Variants in JAK2 observed in about 807,000 individuals in gnomAD.
JAK2 encodes the protein Janus kinase 2.
Under a neutral mutation model 139.3 loss-of-function variants are expected in JAK2, and 86 were observed. The ratio of observed to expected loss-of-function variants is 0.62; its 90% CI spans 0.52 to 0.74. The LOEUF (loss-of-function observed/expected upper bound fraction) is 0.74, where lower values mean the gene tolerates loss of function less well. Among genes scored for constraint, JAK2 ranks in the 30% least tolerant of loss-of-function variants. The pLI is 0.00. For synonymous variants in JAK2, 490 were observed against 437.7 expected (o/e 1.12, Z -1.49); for missense variants, 1,421 against 1,360.3 (o/e 1.04, Z -0.70).
chr9:5,104,712 G>C (rs1270103410), intron 22 of JAK2, among the ~76,000 whole-genome samples: 2 of 152,126 alleles, frequency 1.3e-5, no homozygotes, highest in African/African-American at 4.8e-5. Flanking sequence ...TATCAACCAC[G>C]ATCAAGTCGG....
intron 2 of JAK2, among the ~76,000 whole-genome samples, chr9:5,002,933 AG>A (rs1935666937): frequency 6.6e-6 from 1 of 151,960 alleles, no homozygotes; most frequent in African/African-American, 2.4e-5. Context: ...ATAGAAGTTA[AG>A]GTTATTTTTT....
At chr9:5,032,324 AG>A (rs1823222732) in intron 4 of JAK2, among the ~76,000 whole-genome samples, 3 of 152,252 alleles carry the variant, frequency 2.0e-5, no homozygotes, top group Admixed American at 6.5e-5. Flanking sequence ...CTCTGGGGGC[AG>A]GGCATAGCCA....
intron 4 of JAK2, among the ~76,000 whole-genome samples, chr9:5,038,346 A>G (rs1038577275): frequency 4.6e-5 from 7 of 152,196 alleles, no homozygotes; most frequent in Admixed American, 2.0e-4. Context: ...TGTGAATTCT[A>G]TCACACATTA....
At chr9:5,085,972 G>A in intron 19 of JAK2, 1 of 1,058,872 alleles carries the variant, frequency 9.4e-7, no homozygotes, top group Non-Finnish European at 1.5e-6. Context: ...TCACCACTGT[G>A]TGTTTTGCTG....
chr9:5,111,547 C>A (rs1008689417), intron 22 of JAK2: 4 of 368,210 alleles, frequency 1.1e-5, no homozygotes, highest in Non-Finnish European at 2.1e-5. Context: ...GTCCCGCCCC[C>A]TTCTACATGG....
intron 2 of JAK2, among the ~76,000 whole-genome samples, chr9:4,996,392 G>A (rs1156868140): frequency 6.6e-6 from 1 of 152,018 alleles, no homozygotes; most frequent in Non-Finnish European, 1.5e-5. Flanking sequence ...AGGTTGCAGT[G>A]AGCTGAGATC....
At chr9:5,058,273 G>A (rs921099991) in intron 8 of JAK2, among the ~76,000 whole-genome samples, 1 of 152,126 alleles carries the variant, frequency 6.6e-6, no homozygotes, top group African/African-American at 2.4e-5. Flanking sequence ...TTAAAAAGAG[G>A]GTTTAATTGA....
chr9:4,989,892 A>G (rs1343464377), intron 2 of JAK2, among the ~76,000 whole-genome samples: 4 of 152,238 alleles, frequency 2.6e-5, no homozygotes, highest in Non-Finnish European at 5.9e-5. Flanking sequence ...AAATGCTAGG[A>G]TGAGAAGAAT....
chr9:5,126,496 T>C, intron 24 of JAK2, 50 bp downstream of exon 24: 1 of 1,282,556 alleles, frequency 7.8e-7, no homozygotes, highest in East Asian at 2.3e-5. Flanking sequence ...CTTTTACTTT[T>C]TACTCAAGGA....
At chr9:5,084,089 C>T (rs918025584) in intron 19 of JAK2, among the ~76,000 whole-genome samples, 11 of 151,972 alleles carry the variant, frequency 7.2e-5, no homozygotes, top group Admixed American at 6.5e-4. Context: ...TTCCATAGTT[C>T]CGTGAGCTTA....
At chr9:5,058,509 T>A (rs1817929413) in intron 8 of JAK2, among the ~76,000 whole-genome samples, 1 of 152,014 alleles carries the variant, frequency 6.6e-6, no homozygotes. Flanking sequence ...CCTCGACACA[T>A]GGGGATTACA....
chr9:5,068,753 A>C (rs1818742657), intron 10 of JAK2, among the ~76,000 whole-genome samples: 1 of 152,330 alleles, frequency 6.6e-6, no homozygotes, highest in Admixed American at 6.5e-5. Flanking sequence ...ATGGAAAACT[A>C]TTAAGGATGG....
chr9:5,001,615 T>G lies in JAK2; in HGVS notation c.-26+15593T>G, dbSNP rs559792272. 2.0e-5 allele frequency among the ~76,000 whole-genome samples: 3 copies of G among 147,592 alleles called. No homozygotes were observed. The South Asian group carries it at 6.7e-4, about 33-fold the overall frequency. ...TATTTTGTTATGTTCATGAGAAACA[T>G]TTGCCTGTAATTTTTTTTTTTTTTT... On this transcript the variant is annotated intron_variant, in intron 2 of 24. Transcript: ENST00000381652.
In JAK2 at chr9:5,129,261, A is replaced by G. The variant is rs1824191913; in HGVS notation, c.*2470A>G. Among the ~76,000 whole-genome samples the G allele has an allele frequency of 6.6e-6, 1 of 152,000 alleles. No homozygotes were observed. Among genetic ancestry groups the G allele is most frequent in the Admixed American group, 6.5e-5 (1 of 15,268 alleles). ...AATTTCTTTAGCATGCTCCCCCTAA[A>G]TTGAAATAGTGATGTAGTAAATATT... On this transcript the variant is annotated 3_prime_UTR_variant, in exon 25 of 25. Coordinates refer to ENST00000381652, the MANE Select transcript of JAK2 (RefSeq NM_004972.4).
intron 19 of JAK2, among the ~76,000 whole-genome samples, chr9:5,086,717 C>T (rs1217781286): frequency 6.6e-6 from 1 of 152,180 alleles, no homozygotes; most frequent in East Asian, 1.9e-4. Context: ...ATCTCCCTGT[C>T]TGACTATAAC....
At chr9:5,033,748 C>T (rs1823345447) in intron 4 of JAK2, among the ~76,000 whole-genome samples, 2 of 152,154 alleles carry the variant, frequency 1.3e-5, no homozygotes, top group Non-Finnish European at 2.9e-5. Flanking sequence ...AAGCACTAAA[C>T]ATAGAAAGGA....
rs569968453 is a variant in JAK2 at position 5,029,076 on chromosome 9, C to T, written c.227-707C>T. Among the ~76,000 whole-genome samples, 11 of 152,324 alleles carry T rather than the reference C, an allele frequency of 7.2e-5. No individual in the cohort carries two copies. In the East Asian group the frequency reaches 1.7e-3, roughly 24 times the overall value. ...TTGGCTTTTAATAATACCTTCCTCA[C>T]TTAGTTTAATTATTTCTAGCTTTTG... is the stretch of plus-strand genomic sequence containing the variant. On this transcript the variant is annotated intron_variant, in intron 3 of 24. Transcript: ENST00000381652.
intron 6 of JAK2, among the ~76,000 whole-genome samples, chr9:5,052,177 C>T (rs189621585): frequency 5.5e-4 from 83 of 152,154 alleles, no homozygotes; most frequent in Non-Finnish European, 9.3e-4. Flanking sequence ...CTTAAGCTAT[C>T]GTGGAATATT....
In JAK2 at chr9:5,126,349, T is replaced by C; in HGVS notation, c.3194T>C (p.Ile1065Thr). ...KSPPAEFMRM[I>T]GNDKQGQMIV... is the part of the protein sequence containing the mutation. The stretch of plus-strand genomic sequence containing the variant: ...TTGTTTTAGGAATTTATGCGTATGA[T>C]TGGCAATGACAAACAAGGACAGATG... The change falls in exon 24 of 25, where the codon ATT (isoleucine) becomes ACT (threonine). Residue 1065 changes from isoleucine (I) to threonine (T), a missense_variant. By Grantham distance (89) the Ile-to-Thr change is moderately conservative (BLOSUM62 -1). Transcript: ENST00000381652. 1.2e-6 allele frequency: 2 copies of C among 1,606,122 alleles called. No homozygotes were observed. Among genetic ancestry groups the C allele is most frequent in the Non-Finnish European group, 1.7e-6 (2 of 1,175,678 alleles).
Sources: gnomAD v4.1 joint callset for allele counts (sites outside exome capture counted in the v4.1 genomes callset) on GRCh38, gnomAD v4.1.1 for gene constraint, MANE v1.5 for transcripts, NCBI Gene and HGNC (gene_info 2026-07-23, HGNC 2026-07-21) for gene names.